LRP1B: variants seen among roughly 807,000 people sequenced by gnomAD.
LRP1B encodes the protein low-density lipoprotein receptor-related protein 1B.
Under a neutral mutation model 556.6 loss-of-function variants are expected in LRP1B, and 217 were observed. The ratio of observed to expected loss-of-function variants is 0.39; its 90% CI spans 0.35 to 0.44. The LOEUF is 0.44. Among genes scored for constraint, LRP1B ranks in the 20% least tolerant of loss-of-function variants. The pLI is 1.00. For missense variants in LRP1B, 5,053 were observed against 5,620.8 expected, an observed-to-expected ratio of 0.90 and a Z score of 3.23; for synonymous variants, 2,047 against 1,865.8, an observed-to-expected ratio of 1.10 and a Z score of -2.50.
chr2:140,879,588 T>C (rs1480334831), intron 25 of LRP1B, among the ~76,000 whole-genome samples: 1 of 152,166 alleles, frequency 6.6e-6, no homozygotes, highest in Non-Finnish European at 1.5e-5. Flanking sequence ...CATCGTTTCA[T>C]AACATTCTAG....
intron 2 of LRP1B, among the ~76,000 whole-genome samples, chr2:141,703,564 C>T (rs948182321): frequency 4.6e-5 from 7 of 151,944 alleles, no homozygotes; most frequent in Admixed American, 2.0e-4. Context: ...GGATTGTCGG[C>T]TCATTCTTTG....
At chr2:141,791,255 T>C (rs980782522) in intron 2 of LRP1B, among the ~76,000 whole-genome samples, 1 of 151,962 alleles carries the variant, frequency 6.6e-6, no homozygotes, top group Non-Finnish European at 1.5e-5. Flanking sequence ...GAAATTGTAC[T>C]AAAACATATA....
At chr2:141,387,693 G>C (rs1005699333) in intron 3 of LRP1B, among the ~76,000 whole-genome samples, 4 of 151,992 alleles carry the variant, frequency 2.6e-5, no homozygotes, top group African/African-American at 9.7e-5. Context: ...ACATTGAAAA[G>C]GTCAAGAACA....
intron 3 of LRP1B, among the ~76,000 whole-genome samples, chr2:141,317,218 G>T (rs1456976605): frequency 6.6e-6 from 1 of 152,130 alleles, no homozygotes; most frequent in Non-Finnish European, 1.5e-5. Flanking sequence ...TTTTAATAGT[G>T]TTTCTGTGTT....
At chr2:141,591,500 C>A (rs561560341) in intron 2 of LRP1B, among the ~76,000 whole-genome samples, 1 of 151,292 alleles carries the variant, frequency 6.6e-6, no homozygotes, top group African/African-American at 2.4e-5. Context: ...GTGCTTATAG[C>A]AGAGGTCAAT....
intron 1 of LRP1B, among the ~76,000 whole-genome samples, chr2:142,066,922 G>A (rs1453266002): frequency 1.3e-5 from 2 of 151,354 alleles, no homozygotes; most frequent in Non-Finnish European, 3.0e-5. Flanking sequence ...GTTTCACTTA[G>A]CTAAAATCAA....
intron 85 of LRP1B, among the ~76,000 whole-genome samples, chr2:140,270,574 A>T (rs115461716): frequency 0.02 from 3,112 of 152,040 alleles, 39 homozygotes; most frequent in African/African-American, 0.029. Flanking sequence ...CAACCAGTTC[A>T]TTTAATATAA....
intron 20 of LRP1B, among the ~76,000 whole-genome samples, chr2:140,936,831 G>A (rs1276282861): frequency 1.3e-5 from 2 of 152,020 alleles, no homozygotes; most frequent in East Asian, 1.9e-4. Context: ...TTATGTTTCA[G>A]ACATACAATG....
intron 83 of LRP1B, among the ~76,000 whole-genome samples, chr2:140,298,944 GAA>G (rs1268470955): frequency 3.9e-5 from 6 of 152,192 alleles, no homozygotes; most frequent in Admixed American, 1.3e-4. Context: ...GAAACAACAT[GAA>G]AGAGTATGAG....
At chr2:140,699,979 A>T (rs1274248148) in intron 41 of LRP1B, among the ~76,000 whole-genome samples, 2 of 149,626 alleles carry the variant, frequency 1.3e-5, no homozygotes, top group Non-Finnish European at 3.0e-5. Context: ...ATTTTAGTGC[A>T]GTTATTTATA....
chr2:141,992,296 T>C (rs1702369896), intron 1 of LRP1B, among the ~76,000 whole-genome samples: 1 of 152,124 alleles, frequency 6.6e-6, no homozygotes, highest in South Asian at 2.1e-4. Flanking sequence ...TAAGGGAATA[T>C]TTTGAATGGG....
intron 7 of LRP1B, among the ~76,000 whole-genome samples, chr2:141,164,616 C>A (rs1004160925): frequency 6.6e-6 from 1 of 152,040 alleles, no homozygotes; most frequent in African/African-American, 2.4e-5. Context: ...AGTACTCTAA[C>A]ACAAATTCCA....
intron 2 of LRP1B, among the ~76,000 whole-genome samples, chr2:141,537,908 C>T (rs1685121001): frequency 6.6e-6 from 1 of 152,066 alleles, no homozygotes; most frequent in East Asian, 1.9e-4. Context: ...TTGTGGAATT[C>T]CACCCATAAC....
chr2:140,840,076 G>A lies in LRP1B; in HGVS notation c.5124C>T (p.Tyr1708=), dbSNP rs1327289695. The change falls in exon 31 of 91, where the codon TAC becomes TAT. Residue 1708 remains tyrosine, a synonymous_variant. Coordinates refer to ENST00000389484, the MANE Select transcript of LRP1B (RefSeq NM_018557.3). ...TGTTAATTGTGTTTCCATCGGTCCA[G>A]TAGAGTTTTCTTAATTCAAAAGACA... is the stretch of plus-strand genomic sequence containing the variant. ...LAAHPVRGKL[Y]WTDGNTINMA... The A allele has an allele frequency of 6.2e-7, 1 of 1,600,084 alleles. No homozygotes were observed. The highest frequency in any genetic ancestry group is 2.2e-5 in the East Asian group (1 of 44,676).
At chr2:141,919,436 A>C (rs1271951810) in intron 1 of LRP1B, among the ~76,000 whole-genome samples, 1 of 152,052 alleles carries the variant, frequency 6.6e-6, no homozygotes, top group Non-Finnish European at 1.5e-5. Context: ...AGTTATTCTA[A>C]ATTGGAGAAA....
chr2:140,787,558 A>ATTTTTTTTTT lies in LRP1B; in HGVS notation c.5360-11330_5360-11321dup, dbSNP rs756825067. On this transcript the variant is annotated intron_variant, in intron 32 of 90. Transcript: ENST00000389484. ...CCTATCTTCCTGTTTAAAACAGAAG[A>ATTTTTTTTTT]TTTTTTTTTTTTTTTTTTTTTTTTT... Among the ~76,000 whole-genome samples the ATTTTTTTTTT allele has an allele frequency of 1.4e-3, 64 of 44,662 alleles. 6 individuals are homozygous for ATTTTTTTTTT. Among genetic ancestry groups the ATTTTTTTTTT allele is most frequent in the East Asian group, 0.01 (12 of 1,158 alleles). 29.3% of individuals were successfully genotyped at this position (44,662 alleles called of 152,430 possible). A position where few individuals can be genotyped will look rare whatever the true frequency, so the allele number is the denominator to read the frequency against.
chr2:140,930,069 A>G (rs1466083019), intron 20 of LRP1B, among the ~76,000 whole-genome samples: 1 of 152,078 alleles, frequency 6.6e-6, no homozygotes, highest in Non-Finnish European at 1.5e-5. Flanking sequence ...CTTGAGTTCC[A>G]AGCCGGTATG....
intron 41 of LRP1B, among the ~76,000 whole-genome samples, chr2:140,622,409 T>C (rs943389988): frequency 1.3e-5 from 2 of 152,188 alleles, no homozygotes; most frequent in African/African-American, 4.8e-5. Context: ...CTTTCACAGT[T>C]TACCTTTGTG....
At chr2:141,347,230 T>A (rs1218433529) in intron 3 of LRP1B, among the ~76,000 whole-genome samples, 1 of 152,084 alleles carries the variant, frequency 6.6e-6, no homozygotes, top group African/African-American at 2.4e-5. Context: ...CACATGCTAC[T>A]TTCTGAGTCA....
Sources: allele counts gnomAD v4.1 joint callset (sites outside exome capture counted in the v4.1 genomes callset), GRCh38; gene constraint gnomAD v4.1.1; transcripts MANE v1.5; gene names NCBI Gene and HGNC (gene_info 2026-07-23, HGNC 2026-07-21).